BRF1: variants seen among roughly 807,000 people sequenced by gnomAD.
BRF1 encodes the protein transcription factor IIIB 90 kDa subunit.
BRF1 carries 59 observed loss-of-function variants against 81.7 expected under a neutral mutation model. The observed-to-expected ratio is 0.72, with a 90% CI of 0.59 to 0.90. The LOEUF (loss-of-function observed/expected upper bound fraction) is 0.90, where lower values mean the gene tolerates loss of function less well. Among genes scored for constraint, BRF1 ranks in the 40% least tolerant of loss-of-function variants. The pLI is 0.00. For missense variants in BRF1, 1,050 were observed against 936.3 expected, an observed-to-expected ratio of 1.12 and a Z score of -1.58; for synonymous variants, 491 against 395.6, an observed-to-expected ratio of 1.24 and a Z score of -2.86.
chr14:105,298,352 A>C (rs1276645751), intron 1 of BRF1, among the ~76,000 whole-genome samples: 1 of 152,230 alleles, frequency 6.6e-6, no homozygotes, highest in African/African-American at 2.4e-5. Flanking sequence ...ATAGTAAAAA[A>C]GCGTGTGATG....
upstream of BRF1, among the ~76,000 whole-genome samples, chr14:105,301,574 A>T (rs1029280327): frequency 3.3e-5 from 5 of 151,854 alleles, no homozygotes; most frequent in Non-Finnish European, 7.4e-5. Context: ...GCCAGGGGCC[A>T]CCCTGCCCCG....
rs587663572 is a variant in BRF1 at position 105,226,700 on chromosome 14, G to A, written c.849C>T (p.Ile283=). The A allele has an allele frequency of 2.4e-5, 38 of 1,613,664 alleles. No individual in the cohort carries two copies. The South Asian group carries it at 3.5e-4, about 15-fold the overall frequency. ...GGGGGTCGCACTCCTCCTCCAGGTC[G>A]ATCTTCATGAACTCATCAATGGTCA... ...SQLTIDEFMK[I]DLEEECDPPS... The change falls in exon 8 of 18, where the codon ATC becomes ATT. Residue 283 remains isoleucine, a synonymous_variant. Coordinates refer to ENST00000547530, the MANE Select transcript of BRF1 (RefSeq NM_001519.4).
chr14:105,214,204 G>GCCCC (rs370472942), intron 15 of BRF1, among the ~76,000 whole-genome samples: 2 of 152,254 alleles, frequency 1.3e-5, no homozygotes, highest in Admixed American at 1.3e-4. Flanking sequence ...CATCTGGTGG[G>GCCCC]CCCCCACTTT....
chr14:105,268,406 T>C (rs1183837006), intron 3 of BRF1, among the ~76,000 whole-genome samples: 10 of 152,182 alleles, frequency 6.6e-5, no homozygotes, highest in Admixed American at 6.5e-4. Context: ...CCAGACTCAG[T>C]GGGACTCAGC....
chr14:105,254,852 G>A (rs1441027855), intron 4 of BRF1, among the ~76,000 whole-genome samples: 2 of 152,192 alleles, frequency 1.3e-5, no homozygotes, highest in South Asian at 2.1e-4. Context: ...GTGAGCCACC[G>A]CGCCCGGCCT....
At chr14:105,252,247 C>T (rs973856001) in intron 5 of BRF1, 5 of 495,994 alleles carry the variant, frequency 1.0e-5, no homozygotes, top group South Asian at 1.7e-4. Context: ...GGCGAAGGCA[C>T]GAGGATCACT....
chr14:105,279,399 C>T (rs146044420), intron 2 of BRF1, among the ~76,000 whole-genome samples: 1 of 152,216 alleles, frequency 6.6e-6, no homozygotes, highest in Non-Finnish European at 1.5e-5. Context: ...CAAAAGACGC[C>T]AATAGGCACT....
chr14:105,296,418 CAGG>C (rs1566874652), intron 1 of BRF1, among the ~76,000 whole-genome samples: 1 of 151,804 alleles, frequency 6.6e-6, no homozygotes, highest in Non-Finnish European at 1.5e-5. Flanking sequence ...GAGGCTCAGG[CAGG>C]AGAATGGCAT....
chr14:105,241,712 C>A, intron 5 of BRF1: 1 of 458,634 alleles, frequency 2.2e-6, no homozygotes, highest in Non-Finnish European at 4.0e-6. Flanking sequence ...GGCGCACACC[C>A]AGCAGCCTTC....
intron 4 of BRF1, among the ~76,000 whole-genome samples, chr14:105,254,272 T>C (rs2055758810): frequency 6.6e-6 from 1 of 152,168 alleles, no homozygotes; most frequent in African/African-American, 2.4e-5. Flanking sequence ...TTTGTTTGTT[T>C]TTGAGACGGA....
At chr14:105,247,200 C>A (rs1241471923) in intron 5 of BRF1, 11 of 985,330 alleles carry the variant, frequency 1.1e-5, no homozygotes, top group Non-Finnish European at 1.2e-5. Flanking sequence ...GCGGGTGCAT[C>A]CACACACTTT....
In BRF1 at chr14:105,289,558, G is replaced by A. The variant is rs146809100; in HGVS notation, c.185-3182C>T. ...CAATTCTAAATTCTGCAGAAATCTG[G>A]CCCAGGCCTCCCCAGGCTGAGCTCC... On this transcript the variant is annotated intron_variant, in intron 1 of 17. Coordinates refer to ENST00000547530, the MANE Select transcript of BRF1 (RefSeq NM_001519.4). Among the ~76,000 whole-genome samples, 492 of 152,292 alleles carry A rather than the reference G, an allele frequency of 3.2e-3. 3 individuals are homozygous for A. The highest frequency in any genetic ancestry group is 0.014 in the East Asian group (75 of 5,188).
chr14:105,221,541 A>C (rs1240555128), intron 11 of BRF1, 107 bp downstream of exon 11: 1 of 1,457,290 alleles, frequency 6.9e-7, no homozygotes, highest in Non-Finnish European at 9.1e-7. Context: ...CGAGACCACC[A>C]CACCTCCCGA....
intron 3 of BRF1, 132 bp from the exon 4 acceptor site, chr14:105,256,681 T>C: frequency 7.1e-7 from 1 of 1,405,714 alleles, no homozygotes; most frequent in Non-Finnish European, 9.6e-7. Flanking sequence ...GCTCCACCTT[T>C]GATCAGGAAG....
At chr14:105,214,474 GCGTGGCT>G (rs1411774438) in intron 15 of BRF1, among the ~76,000 whole-genome samples, 1 of 148,224 alleles carries the variant, frequency 6.7e-6, no homozygotes, top group Admixed American at 7.5e-5. Flanking sequence ...CCACACCCCT[GCGTGGCT>G]CAGCTGCCCA....
At chr14:105,283,040 C>T (rs1024657804) in intron 2 of BRF1, among the ~76,000 whole-genome samples, 2 of 152,194 alleles carry the variant, frequency 1.3e-5, no homozygotes, top group African/African-American at 4.8e-5. Flanking sequence ...GCCAAAATCC[C>T]CTCTTGTGTC....
In BRF1 at chr14:105,219,138, G is replaced by A. The variant is rs752135401; in HGVS notation, c.1459+13C>T. The A allele has an allele frequency of 6.1e-5, 99 of 1,612,442 alleles. No homozygotes were observed. Among genetic ancestry groups the A allele is most frequent in the Non-Finnish European group, 8.1e-5 (95 of 1,178,810 alleles). The stretch of plus-strand genomic sequence containing the variant: ...GTGCGTCCTGCGTGTGAGTGTGGGC[G>A]GGTGGCGCTTACCCCTCTGTTCCCG... On this transcript the variant is annotated intron_variant, in intron 13 of 17. Coordinates refer to ENST00000547530, the MANE Select transcript of BRF1 (RefSeq NM_001519.4).
At chr14:105,265,695 A>G (rs933890210) in intron 3 of BRF1, among the ~76,000 whole-genome samples, 1 of 152,064 alleles carries the variant, frequency 6.6e-6, no homozygotes. Context: ...CAGGAGATTG[A>G]GACCATCCTG....
chr14:105,229,630 G>C (rs1481694519), intron 6 of BRF1, among the ~76,000 whole-genome samples: 2 of 151,102 alleles, frequency 1.3e-5, no homozygotes, highest in African/African-American at 2.4e-5. Context: ...TAGAACAGTC[G>C]CCCAGCTGGG....
Sources: allele counts gnomAD v4.1 joint callset (sites outside exome capture counted in the v4.1 genomes callset), GRCh38; gene constraint gnomAD v4.1.1; transcripts MANE v1.5; gene names NCBI Gene and HGNC (gene_info 2026-07-23, HGNC 2026-07-21).